CSMD3: variants seen among roughly 807,000 people sequenced by gnomAD.
The protein encoded by CSMD3 is CUB and sushi domain-containing protein 3.
In CSMD3, 177 loss-of-function variants were observed where a neutral mutation model predicts 435.2. The observed-to-expected ratio is 0.41, with a 90% confidence interval of 0.36 to 0.46. The LOEUF (loss-of-function observed/expected upper bound fraction) is 0.46. Ranked by LOEUF, CSMD3 falls within the 20% of genes least tolerant of loss-of-function variation. The pLI is 0.34. For missense variants in CSMD3, 4,265 were observed against 4,504.6 expected (o/e 0.95, Z 1.52); for synonymous variants, 1,656 against 1,520.5 (o/e 1.09, Z -2.07).
intron 27 of CSMD3, among the ~76,000 whole-genome samples, chr8:112,544,556 T>A (rs1195645845): frequency 6.6e-6 from 1 of 152,216 alleles, no homozygotes; most frequent in Non-Finnish European, 1.5e-5. Flanking sequence ...TTATCACTTA[T>A]CTAAATAAGT....
chr8:112,674,269 CT>C (rs1398230952), intron 16 of CSMD3, among the ~76,000 whole-genome samples: 1 of 152,074 alleles, frequency 6.6e-6, no homozygotes, highest in Non-Finnish European at 1.5e-5. Context: ...CCTTTAGATC[CT>C]GTTTCCTGTG....
intron 11 of CSMD3, among the ~76,000 whole-genome samples, chr8:112,847,967 A>G (rs2080374667): frequency 2.0e-5 from 3 of 152,162 alleles, no homozygotes; most frequent in African/African-American, 7.2e-5. Flanking sequence ...TACCTTCATT[A>G]TAAATTGGAC....
Position 112,292,597 on chromosome 8 carries a change from GC to G in CSMD3, c.8727del (p.Pro2910GlnfsTer39). 6.2e-7 allele frequency: 1 copy of G among 1,613,738 alleles called. No homozygotes were observed. The highest frequency in any genetic ancestry group is 8.5e-7 in the Non-Finnish European group (1 of 1,179,774). The stretch of plus-strand genomic sequence containing the variant: ...TTGGCCTGGCACTGTGCCTTTGTTG[GC>G]CCTTGCATAAGATACCCAATATTGC... ...FSCNIGYLMQ[G>X]PTKAQCQANR... On this transcript the variant is annotated frameshift_variant, in exon 55 of 71. Coordinates refer to ENST00000297405, the MANE Select transcript of CSMD3 (RefSeq NM_198123.2). LOFTEE classifies it high-confidence loss of function.
At chr8:113,133,961 A>C (rs28591225) in intron 4 of CSMD3, among the ~76,000 whole-genome samples, 22,975 of 151,978 alleles carry the variant, frequency 0.15, 3,357 homozygotes, top group African/African-American at 0.38. Context: ...AAATGGTTCT[A>C]AAGATCTGAT....
intron 24 of CSMD3, among the ~76,000 whole-genome samples, chr8:112,569,234 A>G (rs1829303864): frequency 6.6e-6 from 1 of 152,170 alleles, no homozygotes; most frequent in African/African-American, 2.4e-5. Context: ...TGTCACCACA[A>G]ACATGAAAAT....
At chr8:113,422,279 A>G (rs2094612352) in intron 1 of CSMD3, among the ~76,000 whole-genome samples, 1 of 152,144 alleles carries the variant, frequency 6.6e-6, no homozygotes, top group South Asian at 2.1e-4. Context: ...ACCTTCAAAG[A>G]GGAAGGAAGA....
intron 39 of CSMD3, among the ~76,000 whole-genome samples, chr8:112,351,486 G>C (rs1826131107): frequency 6.6e-6 from 1 of 151,860 alleles, no homozygotes; most frequent in Non-Finnish European, 1.5e-5. Flanking sequence ...TATCATATTA[G>C]AATTGCGGTT....
intron 8 of CSMD3, among the ~76,000 whole-genome samples, chr8:112,952,874 T>C (rs530420997): frequency 6.6e-6 from 1 of 151,512 alleles, no homozygotes; most frequent in Non-Finnish European, 1.5e-5. Flanking sequence ...TATTAGAATT[T>C]TTTTTCCTAG....
chr8:112,236,310 T>C (rs1276150354), intron 67 of CSMD3, among the ~76,000 whole-genome samples: 1 of 152,060 alleles, frequency 6.6e-6, no homozygotes, highest in Non-Finnish European at 1.5e-5. Context: ...GTGTCTCATT[T>C]TAAAAAATGA....
intron 12 of CSMD3, among the ~76,000 whole-genome samples, chr8:112,802,939 A>G (rs2078993916): frequency 1.3e-5 from 2 of 152,214 alleles, no homozygotes; most frequent in South Asian, 4.1e-4. Flanking sequence ...TGATGGTGGA[A>G]AAATAGGGGA....
intron 11 of CSMD3, among the ~76,000 whole-genome samples, chr8:112,830,673 A>T (rs1009843504): frequency 6.6e-6 from 1 of 152,090 alleles, no homozygotes; most frequent in Non-Finnish European, 1.5e-5. Flanking sequence ...ATGAGAGAAT[A>T]AATGAAGAAG....
rs575423581 is a variant in CSMD3 at position 112,664,946 on chromosome 8, T to C, written c.2816+1331A>G. ...GGCAGCCCTAACTAATATAGAAAAC[T>C]AATATAGCCCTAGTAAACCATGTAG... On this transcript the variant is annotated intron_variant, in intron 17 of 70. Transcript: ENST00000297405. Among the ~76,000 whole-genome samples the C allele has an allele frequency of 1.6e-4, 25 of 152,248 alleles. 1 individual carries two copies. Among genetic ancestry groups the C allele is most frequent in the Admixed American group, 1.4e-3 (21 of 15,270 alleles).
At chr8:113,385,016 A>C (rs1379305911) in intron 1 of CSMD3, among the ~76,000 whole-genome samples, 4 of 152,166 alleles carry the variant, frequency 2.6e-5, no homozygotes, top group Non-Finnish European at 4.4e-5. Flanking sequence ...ATGATAATGA[A>C]AGACAGGAGT....
intron 6 of CSMD3, among the ~76,000 whole-genome samples, chr8:113,013,749 G>C (rs907030897): frequency 6.6e-6 from 1 of 151,968 alleles, no homozygotes; most frequent in South Asian, 2.1e-4. Flanking sequence ...CCTGGGGAGC[G>C]AGTCCATTGT....
intron 11 of CSMD3, among the ~76,000 whole-genome samples, chr8:112,853,776 G>A (rs750636998): frequency 6.6e-6 from 1 of 152,192 alleles, no homozygotes; most frequent in Non-Finnish European, 1.5e-5. Flanking sequence ...TTACTTGAAA[G>A]CAATACTGTG....
intron 27 of CSMD3, among the ~76,000 whole-genome samples, chr8:112,523,074 T>C (rs1470360481): frequency 6.6e-6 from 1 of 151,940 alleles, no homozygotes; most frequent in East Asian, 1.9e-4. Context: ...CTTAAGTTCT[T>C]ATGTGTCCTT....
intron 3 of CSMD3, among the ~76,000 whole-genome samples, chr8:113,236,075 G>T (rs1247715720): frequency 6.6e-6 from 1 of 152,110 alleles, no homozygotes; most frequent in Non-Finnish European, 1.5e-5. Context: ...TAGGCTCAAG[G>T]TTTAGCTTAT....
At chr8:113,193,085 T>C (rs1249550202) in intron 3 of CSMD3, among the ~76,000 whole-genome samples, 1 of 151,420 alleles carries the variant, frequency 6.6e-6, no homozygotes, top group Non-Finnish European at 1.5e-5. Flanking sequence ...GCTTAGGGAA[T>C]ACAGACCTAG....
At chr8:112,421,442 G>A (rs1017263411) in intron 32 of CSMD3, among the ~76,000 whole-genome samples, 2 of 151,498 alleles carry the variant, frequency 1.3e-5, no homozygotes, top group African/African-American at 4.8e-5. Flanking sequence ...TACTTGGGAG[G>A]CTGAGGCAGG....
Sources: allele counts gnomAD v4.1 joint callset (sites outside exome capture counted in the v4.1 genomes callset), GRCh38; gene constraint gnomAD v4.1.1; transcripts MANE v1.5; gene names NCBI Gene and HGNC (gene_info 2026-07-23, HGNC 2026-07-21).